The following ANGPT1 variants were observed in gnomAD, a reference collection of about 807,000 sequenced individuals.
ANGPT1 encodes the protein angiopoietin 1.
In ANGPT1, 17 loss-of-function variants were observed where a neutral mutation model predicts 62.2. That is an observed-to-expected ratio of 0.27 (90% CI 0.19 to 0.41). ANGPT1 has a LOEUF of 0.41. Among genes scored for constraint, ANGPT1 ranks in the 10% least tolerant of loss-of-function variants. The pLI, the probability that ANGPT1 is intolerant of heterozygous loss-of-function variation, is 1.00. For missense variants in ANGPT1, 478 were observed against 594.9 expected, an observed-to-expected ratio of 0.80 and a Z score of 2.04; for synonymous variants, 199 against 198.9, an observed-to-expected ratio of 1.00 and a Z score of 0.00.
chr8:107,426,111 G>T (rs527430567), intron 1 of ANGPT1, among the ~76,000 whole-genome samples: 2 of 152,294 alleles, frequency 1.3e-5, no homozygotes, highest in African/African-American at 4.8e-5. Flanking sequence ...TGCTTACACA[G>T]AATTGCTTCC....
chr8:107,265,143 T>C (rs1215020354), intron 7 of ANGPT1, among the ~76,000 whole-genome samples: 3 of 152,306 alleles, frequency 2.0e-5, no homozygotes, highest in Middle Eastern at 3.4e-3. Context: ...ACATTTCTTA[T>C]ATAAAACTTG....
At chr8:107,418,812 G>A (rs1449231413) in intron 1 of ANGPT1, among the ~76,000 whole-genome samples, 1 of 152,142 alleles carries the variant, frequency 6.6e-6, no homozygotes, top group Admixed American at 6.5e-5. Flanking sequence ...GTGGGCTCCA[G>A]CTCTTCCTTC....
intron 2 of ANGPT1, among the ~76,000 whole-genome samples, chr8:107,337,189 A>G (rs997317855): frequency 6.6e-6 from 1 of 152,196 alleles, no homozygotes; most frequent in Non-Finnish European, 1.5e-5. Context: ...TGGGGTTTCA[A>G]ACTCAGGTAG....
intron 1 of ANGPT1, among the ~76,000 whole-genome samples, chr8:107,381,492 G>T (rs933780421): frequency 2.0e-5 from 3 of 152,132 alleles, no homozygotes; most frequent in African/African-American, 7.2e-5. Context: ...AGAAGAGTAG[G>T]TGCCCTCGTG....
intron 1 of ANGPT1, among the ~76,000 whole-genome samples, chr8:107,476,443 G>T (rs561519688): frequency 2.0e-5 from 3 of 152,140 alleles, no homozygotes; most frequent in Non-Finnish European, 4.4e-5. Context: ...CATGGGGTGG[G>T]GGGGAGCAGG....
intron 8 of ANGPT1, among the ~76,000 whole-genome samples, chr8:107,261,236 T>C (rs2130021321): frequency 6.6e-6 from 1 of 150,940 alleles, no homozygotes; most frequent in African/African-American, 2.4e-5. Context: ...AAATTTTCTA[T>C]CAGGAAAAAG....
intron 7 of ANGPT1, among the ~76,000 whole-genome samples, chr8:107,279,965 G>A (rs973273011): frequency 7.9e-5 from 12 of 151,848 alleles, no homozygotes; most frequent in Non-Finnish European, 1.6e-4. Flanking sequence ...AGAAGGGAGA[G>A]GTCCCAGGAT....
intron 1 of ANGPT1, among the ~76,000 whole-genome samples, chr8:107,472,882 A>C (rs1175359921): frequency 3.3e-5 from 5 of 152,038 alleles, no homozygotes; most frequent in Admixed American, 3.3e-4. Context: ...CTTTTTGTTA[A>C]AGAAGAAAAG....
intron 1 of ANGPT1, among the ~76,000 whole-genome samples, chr8:107,468,647 C>T (rs1812269070): frequency 6.6e-6 from 1 of 151,900 alleles, no homozygotes; most frequent in Admixed American, 6.6e-5. Flanking sequence ...TATATTCATA[C>T]CACAACTGAA....
chr8:107,403,534 A>C (rs1817087586), intron 1 of ANGPT1, among the ~76,000 whole-genome samples: 3 of 152,118 alleles, frequency 2.0e-5, no homozygotes. Context: ...ATCATCAATG[A>C]TGATAAGGGT....
chr8:107,296,306 G>A (rs183497703), intron 5 of ANGPT1, among the ~76,000 whole-genome samples: 36 of 152,124 alleles, frequency 2.4e-4, no homozygotes, highest in Admixed American at 3.9e-4. Context: ...AGTACCTAGA[G>A]GTGTGCTTAG....
intron 2 of ANGPT1, among the ~76,000 whole-genome samples, chr8:107,337,991 G>A (rs976085118): frequency 3.9e-5 from 6 of 152,172 alleles, no homozygotes; most frequent in African/African-American, 1.4e-4. Flanking sequence ...AGCTACTCAG[G>A]AGGCTAAGGA....
At chr8:107,494,437 T>C (rs1023761169) in intron 1 of ANGPT1, 3 of 152,164 alleles carry the variant, frequency 2.0e-5, no homozygotes, top group African/African-American at 7.2e-5. Context: ...CAAAAAGAGC[T>C]GTATTACAGA....
intron 1 of ANGPT1, among the ~76,000 whole-genome samples, chr8:107,439,458 A>G (rs1811415313): frequency 2.0e-5 from 3 of 152,214 alleles, no homozygotes; most frequent in Admixed American, 2.0e-4. Flanking sequence ...TGTTCTCCAC[A>G]GGGACAAGAG....
At chr8:107,335,169 T>A (rs1323036541) in intron 3 of ANGPT1, among the ~76,000 whole-genome samples, 1 of 152,230 alleles carries the variant, frequency 6.6e-6, no homozygotes, top group Admixed American at 6.5e-5. Flanking sequence ...TAGCAAGTTG[T>A]GTGACCTTGG....
chr8:107,405,133 AT>A (rs1817123277), intron 1 of ANGPT1, among the ~76,000 whole-genome samples: 2 of 151,956 alleles, frequency 1.3e-5, no homozygotes, highest in Non-Finnish European at 2.9e-5. Flanking sequence ...ATCACCTACA[AT>A]TATACCACAT....
intron 1 of ANGPT1, among the ~76,000 whole-genome samples, chr8:107,414,379 A>G (rs948378430): frequency 1.3e-5 from 2 of 152,234 alleles, no homozygotes; most frequent in African/African-American, 4.8e-5. Context: ...GGTGATGCCT[A>G]TGTTAATTCA....
At chr8:107,462,224 A>G (rs557456631) in intron 1 of ANGPT1, among the ~76,000 whole-genome samples, 1 of 152,140 alleles carries the variant, frequency 6.6e-6, no homozygotes, top group Admixed American at 6.6e-5. Flanking sequence ...CAATGAAAAT[A>G]TGAAGAGGGA....
At chr8:107,494,051 G>A (rs1035029033) in intron 1 of ANGPT1, among the ~76,000 whole-genome samples, 2 of 137,246 alleles carry the variant, frequency 1.5e-5, no homozygotes, top group African/African-American at 5.5e-5. Flanking sequence ...TTTAGCTAGT[G>A]TAAAATATGT....
Sources: allele counts gnomAD v4.1 joint callset (sites outside exome capture counted in the v4.1 genomes callset), GRCh38; gene constraint gnomAD v4.1.1; transcripts MANE v1.5; gene names NCBI Gene and HGNC (gene_info 2026-07-23, HGNC 2026-07-21).